CADM2: variants seen among roughly 807,000 people sequenced by gnomAD.
CADM2 encodes immunoglobulin superfamily member 4D.
A neutral mutation model predicts 49.8 loss-of-function variants in CADM2; 12 were observed. That is an observed-to-expected ratio of 0.24 (90% CI 0.15 to 0.39). CADM2 has a LOEUF of 0.39. Ranked by LOEUF, CADM2 falls within the 10% of genes least tolerant of loss-of-function variation. CADM2 has a pLI of 1.00. For missense variants in CADM2, 378 were observed against 492.3 expected (o/e 0.77, Z 2.20); for synonymous variants, 214 against 175.4 (o/e 1.22, Z -1.74).
chr3:85,691,510 C>T (rs2066386279), intron 1 of CADM2, among the ~76,000 whole-genome samples: 2 of 152,166 alleles, frequency 1.3e-5, no homozygotes, highest in Non-Finnish European at 2.9e-5. Flanking sequence ...TGCCTCTCTA[C>T]TTTTACACTG....
chr3:85,865,534 C>T (rs761075029), intron 3 of CADM2, among the ~76,000 whole-genome samples: 3 of 152,114 alleles, frequency 2.0e-5, no homozygotes, highest in East Asian at 1.9e-4. Context: ...AAATACGAAA[C>T]GGAATAAAAA....
At chr3:86,060,795 A>C (rs1362654417) in intron 8 of CADM2, among the ~76,000 whole-genome samples, 3 of 152,052 alleles carry the variant, frequency 2.0e-5, no homozygotes, top group Admixed American at 6.6e-5. Context: ...CAGCCTCACC[A>C]ATATGGTGAA....
At chr3:85,060,062 T>A (rs1356717064) in intron 1 of CADM2, among the ~76,000 whole-genome samples, 1 of 152,336 alleles carries the variant, frequency 6.6e-6, no homozygotes, top group East Asian at 1.9e-4. Context: ...ATTTCCTGTG[T>A]CACATTCCCA....
chr3:85,789,650 A>T (rs1186284049), intron 2 of CADM2, among the ~76,000 whole-genome samples: 2 of 152,198 alleles, frequency 1.3e-5, no homozygotes, highest in Non-Finnish European at 2.9e-5. Context: ...TCATGTGTTC[A>T]TTGAATAAAC....
chr3:84,961,751 CTG>C (rs2030545002), intron 1 of CADM2, among the ~76,000 whole-genome samples: 1 of 152,216 alleles, frequency 6.6e-6, no homozygotes, highest in African/African-American at 2.4e-5. Context: ...CCCTGCCAAT[CTG>C]TGTGTGCTGG....
intron 1 of CADM2, among the ~76,000 whole-genome samples, chr3:85,309,253 A>G (rs2044286494): frequency 6.6e-6 from 1 of 152,148 alleles, no homozygotes; most frequent in Non-Finnish European, 1.5e-5. Flanking sequence ...ATGAATCTTC[A>G]GGTGAATAAG....
At chr3:85,234,938 A>G (rs1247723901) in intron 1 of CADM2, among the ~76,000 whole-genome samples, 1 of 152,090 alleles carries the variant, frequency 6.6e-6, no homozygotes, top group East Asian at 1.9e-4. Flanking sequence ...AGCTCTTTGT[A>G]TGTGTGCTGA....
At chr3:85,946,397 A>G (rs1472206990) in intron 7 of CADM2, among the ~76,000 whole-genome samples, 1 of 151,904 alleles carries the variant, frequency 6.6e-6, no homozygotes, top group Admixed American at 6.6e-5. Context: ...TCAAGCTACC[A>G]ATGACTTTCT....
At chr3:85,178,397 T>A (rs2040840666) in intron 1 of CADM2, among the ~76,000 whole-genome samples, 1 of 151,904 alleles carries the variant, frequency 6.6e-6, no homozygotes, top group African/African-American at 2.4e-5. Flanking sequence ...AAGCTTTAGA[T>A]TATTAATAAA....
At chr3:85,901,236 C>T (rs1716080125) in intron 5 of CADM2, among the ~76,000 whole-genome samples, 1 of 152,028 alleles carries the variant, frequency 6.6e-6, no homozygotes, top group Admixed American at 6.6e-5. Context: ...CATAAAAAGA[C>T]ATTAGATCCA....
At chr3:85,031,922 AT>A (rs771682934) in intron 1 of CADM2, among the ~76,000 whole-genome samples, 3 of 152,024 alleles carry the variant, frequency 2.0e-5, no homozygotes, top group African/African-American at 7.3e-5. Flanking sequence ...CAGTATAGGA[AT>A]TTTTTCATTT....
At chr3:85,616,696 T>G (rs985721792) in intron 1 of CADM2, among the ~76,000 whole-genome samples, 1 of 152,136 alleles carries the variant, frequency 6.6e-6, no homozygotes, top group Admixed American at 6.6e-5. Flanking sequence ...CAATAATAAA[T>G]TATAGCAAGT....
intron 1 of CADM2, among the ~76,000 whole-genome samples, chr3:85,148,847 TGTC>T (rs2039831524): frequency 6.6e-6 from 1 of 152,128 alleles, no homozygotes; most frequent in African/African-American, 2.4e-5. Flanking sequence ...TATTTATCCT[TGTC>T]GACTTTATGT....
rs11708653 is a variant in CADM2, at chr3:85,345,084, G to C, written c.62-381438G>C. ...GTAATCCAGCATTTTGGGAGGCCGA[G>C]GTGAGTGGATCACCTGAGGTCAGGA... On this transcript the variant is annotated intron_variant, in intron 1 of 9. Transcript: ENST00000383699. 1.2e-3 allele frequency among the ~76,000 whole-genome samples: 176 copies of C among 152,032 alleles called. 1 individual carries two copies. The highest frequency in any genetic ancestry group is 2.0e-3 in the Non-Finnish European group (135 of 67,964).
chr3:85,826,777 G>T (rs1225798580), intron 3 of CADM2, among the ~76,000 whole-genome samples: 1 of 151,896 alleles, frequency 6.6e-6, no homozygotes, highest in East Asian at 1.9e-4. Context: ...AAGACTATTA[G>T]CCCACCTCAA....
intron 1 of CADM2, among the ~76,000 whole-genome samples, chr3:85,341,086 C>T (rs1365264618): frequency 1.3e-5 from 2 of 151,672 alleles, no homozygotes; most frequent in African/African-American, 2.4e-5. Context: ...GCTTTTCTCT[C>T]TTACCCCAGT....
At chr3:85,042,305 A>G (rs1354150224) in intron 1 of CADM2, among the ~76,000 whole-genome samples, 1 of 152,154 alleles carries the variant, frequency 6.6e-6, no homozygotes, top group Non-Finnish European at 1.5e-5. Context: ...CAAACTTGAA[A>G]CAGAATTGTT....
chr3:85,362,628 T>G (rs1055203404), intron 1 of CADM2, among the ~76,000 whole-genome samples: 1 of 152,220 alleles, frequency 6.6e-6, no homozygotes, highest in Non-Finnish European at 1.5e-5. Context: ...AGGCATTAAA[T>G]TCCTTCACAT....
At chr3:85,307,391 A>G (rs980459331) in intron 1 of CADM2, among the ~76,000 whole-genome samples, 1 of 151,706 alleles carries the variant, frequency 6.6e-6, no homozygotes, top group African/African-American at 2.4e-5. Flanking sequence ...TACATTCACT[A>G]CTGAAATTAT....
Sources: gnomAD v4.1 joint callset for allele counts (sites outside exome capture counted in the v4.1 genomes callset) on GRCh38, gnomAD v4.1.1 for gene constraint, MANE v1.5 for transcripts, NCBI Gene and HGNC (gene_info 2026-07-23, HGNC 2026-07-21) for gene names.